The following EFCAB6 variants were observed in gnomAD, a reference collection of about 807,000 sequenced individuals.
The protein encoded by EFCAB6 is EF-hand calcium-binding domain-containing protein 6.
Under a neutral mutation model 169.8 loss-of-function variants are expected in EFCAB6, and 156 were observed. That is an observed-to-expected ratio of 0.92 (90% CI 0.81 to 1.05). The LOEUF is 1.05. Ranked by LOEUF, EFCAB6 falls within the 50% of genes least tolerant of loss-of-function variation. The pLI, the probability that EFCAB6 is intolerant of heterozygous loss-of-function variation, is 0.00. For missense variants in EFCAB6, 1,800 were observed against 1,829.1 expected, an observed-to-expected ratio of 0.98 and a Z score of 0.29; for synonymous variants, 698 against 676.4, an observed-to-expected ratio of 1.03 and a Z score of -0.50.
At chr22:43,624,623 C>T (rs1373029732) in intron 20 of EFCAB6, among the ~76,000 whole-genome samples, 1 of 152,198 alleles carries the variant, frequency 6.6e-6, no homozygotes, top group Non-Finnish European at 1.5e-5. Flanking sequence ...AGGTCCAGCT[C>T]AAACGTCCCT....
chr22:43,711,514 T>C lies in EFCAB6; in HGVS notation c.992A>G (p.Tyr331Cys). 5.6e-6 allele frequency: 9 copies of C among 1,600,904 alleles called. No individual in the cohort carries two copies. Among genetic ancestry groups the C allele is most frequent in the Middle Eastern group, 1.7e-4 (1 of 6,024 alleles). ...YLKIVLDTFV[Y>C]QIPRRIFIQL... is the part of the protein sequence containing the mutation. ...GATAAAAATTCTTCTTGGTATTTGG[T>C]ATACAAAAGTGTCGAGGACAATCTT... Residue 331 changes from tyrosine to cysteine, a missense_variant, in exon 10 of 32, where the codon TAC becomes TGC. By Grantham distance (194) the Tyr-to-Cys change is radical. Transcript: ENST00000262726.
At chr22:43,676,173 C>CT (rs1331746683) in intron 13 of EFCAB6, among the ~76,000 whole-genome samples, 1 of 151,866 alleles carries the variant, frequency 6.6e-6, no homozygotes, top group East Asian at 1.9e-4. Flanking sequence ...ATCCCAGCAC[C>CT]TTGGGAGGCC....
At chr22:43,620,758 A>T (rs1465016495) in intron 20 of EFCAB6, among the ~76,000 whole-genome samples, 4 of 152,198 alleles carry the variant, frequency 2.6e-5, no homozygotes, top group African/African-American at 9.6e-5. Context: ...AGAAAAAGAA[A>T]TAGACAAATT....
rs16991020 is a variant in EFCAB6, at chr22:43,796,591, G to A, written c.-8+12404C>T. ...TACGGCAACCGAGAAAAAACAAGTC[G>A]TGTCAGAAACACTGACCACAAGTGT... is the stretch of plus-strand genomic sequence containing the variant. On this transcript the variant is annotated intron_variant, in intron 2 of 31. Transcript: ENST00000262726. 5.3e-3 allele frequency among the ~76,000 whole-genome samples: 800 copies of A among 151,880 alleles called. 6 individuals carry two copies. The highest frequency in any genetic ancestry group is 0.018 in the African/African-American group (738 of 41,382).
chr22:43,605,181 G>A (rs1030785821), intron 22 of EFCAB6, among the ~76,000 whole-genome samples: 5 of 152,204 alleles, frequency 3.3e-5, no homozygotes, highest in African/African-American at 1.2e-4. Context: ...GGATGTCGCT[G>A]ACTCTATCCT....
Position 43,667,218 on chromosome 22 carries a change from T to G in EFCAB6, c.1869A>C (p.Glu623Asp). The G allele has an allele frequency of 6.2e-7, 1 of 1,614,170 alleles. No homozygotes were observed. The change falls in exon 17 of 32, where the codon GAA becomes GAC. Residue 623 changes from glutamate (E) to aspartate (D), a missense_variant. Transcript: ENST00000262726. ...TACACTTTTTGAATTTTTCAATCAC[T>G]TCTTCTGTGGTCATCTTCTTGGTCA... Reference protein sequence around the residue: ...TTLTKKMTTEEVIEKFKKCIQ... With the variant: ...TTLTKKMTTEDVIEKFKKCIQ...
intron 27 of EFCAB6, chr22:43,552,910 A>G (rs2048466004): frequency 6.6e-6 from 1 of 152,184 alleles, no homozygotes. Flanking sequence ...TAAGAGGAGT[A>G]TTTGCAAATA....
chr22:43,648,486 T>G (rs993786719), intron 17 of EFCAB6, among the ~76,000 whole-genome samples: 5 of 152,178 alleles, frequency 3.3e-5, no homozygotes, highest in Non-Finnish European at 7.3e-5. Flanking sequence ...ATGTTCTCAC[T>G]GATAAGTGGG....
chr22:43,580,693 T>C (rs1463467830), intron 24 of EFCAB6, 34 bp from the exon 25 acceptor site: 2 of 1,605,890 alleles, frequency 1.2e-6, no homozygotes, highest in Non-Finnish European at 1.7e-6. Flanking sequence ...ACATATTCAT[T>C]TTAAAAAGCC....
intron 27 of EFCAB6, 81 bp from the exon 28 acceptor site, chr22:43,540,438 C>T (rs1264666556): frequency 6.3e-7 from 1 of 1,598,608 alleles, no homozygotes; most frequent in Non-Finnish European, 8.5e-7. Flanking sequence ...AGAAGTGGGA[C>T]AGGCCGGCCT....
At chr22:43,752,766 C>T (rs1445831635) in intron 6 of EFCAB6, among the ~76,000 whole-genome samples, 2 of 152,136 alleles carry the variant, frequency 1.3e-5, no homozygotes, top group African/African-American at 4.8e-5. Context: ...GTCCTAGTCT[C>T]CACGCCCTCC....
chr22:43,590,877 C>G (rs1477732586), intron 23 of EFCAB6, among the ~76,000 whole-genome samples: 1 of 151,946 alleles, frequency 6.6e-6, no homozygotes, highest in Non-Finnish European at 1.5e-5. Flanking sequence ...AGTGCCAAGG[C>G]CCTAAGGAGG....
At position 43,678,150 on chromosome 22, in the gene EFCAB6, G is replaced by A. The variant is rs759060477; in HGVS notation, c.1265C>T (p.Pro422Leu). The A allele has an allele frequency of 1.3e-5, 21 of 1,610,580 alleles. No homozygotes were observed. The highest frequency in any genetic ancestry group is 4.5e-5 in the East Asian group (2 of 44,770). The part of the protein sequence containing the change: ...LLIINTKPDG[P>L]ITREEFRYIL... Reference sequence around the variant, plus strand: ...ATATCGAAATTCTTCTCTTGTTATCGGTCCATCGGGTTTCTGAGCATCAGA... The same window carrying A: ...ATATCGAAATTCTTCTCTTGTTATCAGTCCATCGGGTTTCTGAGCATCAGA... The change falls in exon 13 of 32, where the codon CCG (proline) becomes CTG (leucine). Residue 422 changes from proline to leucine, a missense_variant. Physicochemically the swap from Pro to Leu is moderately conservative, Grantham distance 98. Transcript: ENST00000262726.
chr22:43,571,203 G>C (rs1288962218), intron 26 of EFCAB6, among the ~76,000 whole-genome samples: 2 of 152,100 alleles, frequency 1.3e-5, no homozygotes, highest in Non-Finnish European at 2.9e-5. Context: ...ATTATGAGTA[G>C]GTGTAAAATT....
chr22:43,607,290 C>G (rs889780567), intron 22 of EFCAB6, among the ~76,000 whole-genome samples: 4 of 152,184 alleles, frequency 2.6e-5, no homozygotes, highest in African/African-American at 9.6e-5. Flanking sequence ...TAGCCCCATG[C>G]TCCTGCCTCA....
intron 6 of EFCAB6, among the ~76,000 whole-genome samples, chr22:43,751,214 G>C (rs1317496262): frequency 1.3e-5 from 2 of 152,126 alleles, no homozygotes; most frequent in Non-Finnish European, 2.9e-5. Flanking sequence ...GTGAGGGGGA[G>C]AGTCACGACC....
At chr22:43,715,910 A>G (rs1280361072) in intron 9 of EFCAB6, among the ~76,000 whole-genome samples, 1 of 152,210 alleles carries the variant, frequency 6.6e-6, no homozygotes, top group Non-Finnish European at 1.5e-5. Context: ...CGTCTATTGA[A>G]CATTTTATAT....
At chr22:43,784,624 CAT>C (rs1180826131) in intron 2 of EFCAB6, among the ~76,000 whole-genome samples, 3 of 60,322 alleles carry the variant, frequency 5.0e-5, no homozygotes, top group South Asian at 5.0e-4. Flanking sequence ...TATATATACA[CAT>C]ATATATGTAT....
At chr22:43,704,315 CA>C (rs1453077294) in intron 10 of EFCAB6, among the ~76,000 whole-genome samples, 2 of 151,960 alleles carry the variant, frequency 1.3e-5, no homozygotes, top group Non-Finnish European at 2.9e-5. Context: ...CCCAGACATA[CA>C]AAAGCTAAGA....
Sources: gnomAD v4.1 joint callset for allele counts (sites outside exome capture counted in the v4.1 genomes callset) on GRCh38, gnomAD v4.1.1 for gene constraint, MANE v1.5 for transcripts, NCBI Gene and HGNC (gene_info 2026-07-23, HGNC 2026-07-21) for gene names.